MAD1L1: variants seen among roughly 807,000 people sequenced by gnomAD.
The protein encoded by MAD1L1 is mitotic spindle assembly checkpoint protein MAD1.
In MAD1L1, 95 loss-of-function variants were observed where a neutral mutation model predicts 96.9. The ratio of observed to expected loss-of-function variants is 0.98; its 90% CI spans 0.83 to 1.16. MAD1L1 has a LOEUF of 1.16. Ranked by LOEUF, MAD1L1 falls within the 50% of genes most tolerant of loss-of-function variation. The pLI, the probability that MAD1L1 is intolerant of heterozygous loss-of-function variation, is 0.00. For synonymous variants in MAD1L1, 473 were observed against 396.6 expected (o/e 1.19, Z -2.29); for missense variants, 1,007 against 954.4 (o/e 1.06, Z -0.73).
At chr7:2,060,131 C>T (rs1444140925) in intron 12 of MAD1L1, among the ~76,000 whole-genome samples, 4 of 149,158 alleles carry the variant, frequency 2.7e-5, no homozygotes, top group Admixed American at 2.0e-4. Flanking sequence ...GCCGAGATGT[C>T]GAGATACGCA....
intron 11 of MAD1L1, among the ~76,000 whole-genome samples, chr7:2,135,657 C>T (rs1398890110): frequency 6.6e-6 from 1 of 152,176 alleles, no homozygotes; most frequent in Non-Finnish European, 1.5e-5. Flanking sequence ...GGGCCTCCTG[C>T]CCCCCAGCTC....
chr7:1,867,621 G>A (rs928052753), intron 18 of MAD1L1, among the ~76,000 whole-genome samples: 2 of 152,206 alleles, frequency 1.3e-5, no homozygotes, highest in East Asian at 1.9e-4. Flanking sequence ...CCGGTGGCTC[G>A]GGCCCAATTT....
intron 18 of MAD1L1, among the ~76,000 whole-genome samples, chr7:1,867,873 T>A (rs1784853813): frequency 1.3e-5 from 2 of 152,208 alleles, no homozygotes; most frequent in Admixed American, 1.3e-4. Flanking sequence ...TGGCGATGCA[T>A]CGGAGGCAGT....
intron 12 of MAD1L1, among the ~76,000 whole-genome samples, chr7:2,034,967 C>T (rs933391412): frequency 2.2e-4 from 33 of 152,244 alleles, no homozygotes; most frequent in African/African-American, 7.5e-4. Context: ...CCATGTACTC[C>T]GCAGACCCAA....
chr7:1,947,322 C>T (rs942495179), intron 16 of MAD1L1, among the ~76,000 whole-genome samples: 2 of 152,220 alleles, frequency 1.3e-5, no homozygotes, highest in African/African-American at 4.8e-5. Flanking sequence ...GTGTGCCTGA[C>T]GCGCATGCCG....
intron 11 of MAD1L1, among the ~76,000 whole-genome samples, chr7:2,099,404 G>T (rs1786664570): frequency 6.6e-6 from 1 of 152,186 alleles, no homozygotes. Context: ...TTCCTCTCTC[G>T]CTGCCTTCTT....
At chr7:2,124,055 C>T (rs550297481) in intron 11 of MAD1L1, among the ~76,000 whole-genome samples, 299 of 152,304 alleles carry the variant, frequency 2.0e-3, no homozygotes, top group Non-Finnish European at 3.3e-3. Flanking sequence ...ACGGGGAAGC[C>T]GGGCAAACAC....
At chr7:2,200,459 C>T (rs11976342) in intron 10 of MAD1L1, 43,639 of 152,312 alleles carry the variant, frequency 0.29, 7,671 homozygotes, top group East Asian at 0.61. Flanking sequence ...AACAGAGCCC[C>T]AGGGTCCACA....
At chr7:2,081,295 C>G (rs1477524353) in intron 11 of MAD1L1, among the ~76,000 whole-genome samples, 2 of 152,172 alleles carry the variant, frequency 1.3e-5, no homozygotes, top group Non-Finnish European at 2.9e-5. Flanking sequence ...GCTCCTTGCC[C>G]CTTCCTCATC....
intron 12 of MAD1L1, among the ~76,000 whole-genome samples, chr7:2,059,938 T>C (rs950907241): frequency 1.3e-5 from 2 of 152,130 alleles, no homozygotes; most frequent in Non-Finnish European, 2.9e-5. Context: ...TAATGACATG[T>C]AAGAATCTAC....
intron 12 of MAD1L1, among the ~76,000 whole-genome samples, chr7:2,053,432 G>C (rs983289399): frequency 6.6e-6 from 1 of 152,242 alleles, no homozygotes; most frequent in African/African-American, 2.4e-5. Context: ...CCTGCTGTAT[G>C]CAAGGAACTG....
chr7:1,838,100 C>T (rs1274410743), intron 18 of MAD1L1, among the ~76,000 whole-genome samples: 1 of 152,174 alleles, frequency 6.6e-6, no homozygotes, highest in African/African-American at 2.4e-5. Context: ...GGCTGCAGTC[C>T]CTCTACCCGA....
intron 17 of MAD1L1, among the ~76,000 whole-genome samples, chr7:1,899,012 A>G (rs1290361820): frequency 6.6e-6 from 1 of 152,178 alleles, no homozygotes; most frequent in East Asian, 1.9e-4. Flanking sequence ...TCCGGATCCT[A>G]CTGCCCCGGG....
At chr7:2,121,901 G>A (rs1203848359) in intron 11 of MAD1L1, among the ~76,000 whole-genome samples, 1 of 152,242 alleles carries the variant, frequency 6.6e-6, no homozygotes, top group African/African-American at 2.4e-5. Flanking sequence ...GCAGCCAGAT[G>A]TGGGGACACG....
intron 10 of MAD1L1, among the ~76,000 whole-genome samples, chr7:2,181,542 T>C (rs1562347655): frequency 1.3e-5 from 2 of 152,208 alleles, no homozygotes; most frequent in South Asian, 2.1e-4. Flanking sequence ...AAATAACAGA[T>C]GTTGGCGTGG....
intron 10 of MAD1L1, chr7:2,200,286 C>T (rs1041296703): frequency 8.5e-5 from 13 of 152,582 alleles, no homozygotes; most frequent in African/African-American, 3.1e-4. Context: ...CCACCTCATC[C>T]ACATCCTCCT....
At chr7:1,915,617 T>G (rs1583771690) in intron 17 of MAD1L1, among the ~76,000 whole-genome samples, 1 of 152,174 alleles carries the variant, frequency 6.6e-6, no homozygotes, top group Non-Finnish European at 1.5e-5. Context: ...CTGCTGCGGG[T>G]ACAAGCAAAT....
intron 14 of MAD1L1, among the ~76,000 whole-genome samples, chr7:1,997,400 C>T (rs1023748618): frequency 2.6e-5 from 4 of 152,242 alleles, no homozygotes; most frequent in African/African-American, 9.6e-5. Flanking sequence ...ACCTAGGCCC[C>T]AGCCTTTCCA....
chr7:1,865,532 G>A (rs546678203), intron 18 of MAD1L1, among the ~76,000 whole-genome samples: 7 of 152,364 alleles, frequency 4.6e-5, no homozygotes, highest in East Asian at 1.9e-4. Flanking sequence ...GCAGGGCGAC[G>A]GAGCAGCCAG....
Sources: gnomAD v4.1 joint callset for allele counts (sites outside exome capture counted in the v4.1 genomes callset) on GRCh38, gnomAD v4.1.1 for gene constraint, MANE v1.5 for transcripts, NCBI Gene and HGNC (gene_info 2026-07-23, HGNC 2026-07-21) for gene names.